Variants in PCMT1 observed in about 807,000 individuals in gnomAD.
PCMT1 encodes the protein protein-L-isoaspartate(D-aspartate) O-methyltransferase.
PCMT1 carries 9 observed loss-of-function variants against 29.2 expected under a neutral mutation model. That is an observed-to-expected ratio of 0.31 (90% CI 0.19 to 0.54). The LOEUF (loss-of-function observed/expected upper bound fraction) is 0.54. PCMT1 is among the 20% of genes least tolerant of loss of function. PCMT1 has a pLI of 0.95. For missense variants in PCMT1, 184 were observed against 282.2 expected (o/e 0.65, Z 2.49); for synonymous variants, 98 against 97.5 (o/e 1.00, Z -0.03).
chr6:149,786,295 G>A (rs1343154726), intron 3 of PCMT1, among the ~76,000 whole-genome samples: 2 of 31,004 alleles, frequency 6.5e-5, no homozygotes, highest in Admixed American at 2.7e-4. Flanking sequence ...CCTCCAGGAC[G>A]GGGCGGCTGG....
intron 1 of PCMT1, among the ~76,000 whole-genome samples, chr6:149,753,167 A>G (rs1786390398): frequency 6.6e-6 from 1 of 152,206 alleles, no homozygotes; most frequent in African/African-American, 2.4e-5. Context: ...TGTAATTGAC[A>G]TAAAATTTGA....
rs60539437 is a variant in PCMT1 at position 149,808,436 on chromosome 6, C to T, written c.*38-2180C>T. On this transcript the variant is annotated intron_variant, in intron 7 of 7. Transcript: ENST00000464889. ...TTAGGCTTTTAAAAAATTGTGCACG[C>T]GCTGGCAGCAAGTTTTTGTTTTTCC... 5.5e-3 allele frequency among the ~76,000 whole-genome samples: 832 copies of T among 152,088 alleles called. 4 individuals carry two copies. Among genetic ancestry groups the T allele is most frequent in the African/African-American group, 0.013 (538 of 41,520 alleles).
At chr6:149,776,859 G>C (rs1787591866) in intron 3 of PCMT1, among the ~76,000 whole-genome samples, 1 of 152,124 alleles carries the variant, frequency 6.6e-6, no homozygotes, top group South Asian at 2.1e-4. Flanking sequence ...GTGTGGGAGA[G>C]TACATTGAAT....
At chr6:149,795,658 TTACC>T in intron 5 of PCMT1, 1 of 426,328 alleles carries the variant, frequency 2.3e-6, no homozygotes, top group Non-Finnish European at 4.5e-6. Flanking sequence ...AAAATAGGAA[TTACC>T]TGTTGTCCTG....
chr6:149,803,861 A>G (rs1775928417), intron 7 of PCMT1, among the ~76,000 whole-genome samples: 1 of 150,764 alleles, frequency 6.6e-6, no homozygotes, highest in African/African-American at 2.4e-5. Context: ...TGAGCCAATC[A>G]TCTTAAGTCA....
chr6:149,787,072 T>A (rs1211637343), intron 3 of PCMT1, among the ~76,000 whole-genome samples: 3 of 137,444 alleles, frequency 2.2e-5, no homozygotes, highest in Non-Finnish European at 4.5e-5. Flanking sequence ...GGTTAGGAGC[T>A]GGAGACCAGC....
At chr6:149,790,773 C>G (rs1416612247) in intron 4 of PCMT1, among the ~76,000 whole-genome samples, 1 of 152,056 alleles carries the variant, frequency 6.6e-6, no homozygotes, top group Admixed American at 6.6e-5. Context: ...CTTTGGGAGG[C>G]TTAGGCAGGC....
chr6:149,763,613 A>G (rs1025420750), intron 1 of PCMT1, among the ~76,000 whole-genome samples: 1 of 152,160 alleles, frequency 6.6e-6, no homozygotes, highest in African/African-American at 2.4e-5. Flanking sequence ...ATAGAAGTAT[A>G]TTATCGAGCT....
chr6:149,806,249 T>C (rs937245610), intron 7 of PCMT1, among the ~76,000 whole-genome samples: 5 of 152,096 alleles, frequency 3.3e-5, no homozygotes, highest in Non-Finnish European at 7.4e-5. Flanking sequence ...CCAAGATGAA[T>C]AGGCAGTTAT....
chr6:149,773,418 GC>G (rs1434363677), intron 3 of PCMT1, among the ~76,000 whole-genome samples: 1 of 151,950 alleles, frequency 6.6e-6, no homozygotes, highest in African/African-American at 2.4e-5. Context: ...TCGCTCTGTC[GC>G]CCAGGCTAGA....
chr6:149,796,382 C>T (rs547515132), intron 5 of PCMT1, 33 bp from the exon 6 acceptor site: 4 of 1,475,716 alleles, frequency 2.7e-6, no homozygotes, highest in Admixed American at 3.5e-5. Flanking sequence ...TTGATCTAAA[C>T]AGGTTTTTAA....
intron 3 of PCMT1, among the ~76,000 whole-genome samples, chr6:149,781,937 T>C (rs1486153083): frequency 6.6e-6 from 1 of 152,200 alleles, no homozygotes; most frequent in Non-Finnish European, 1.5e-5. Context: ...GCAACCACCA[T>C]TCTATTTTCT....
At chr6:149,772,788 T>C (rs1376880819) in intron 2 of PCMT1, 4 of 336,454 alleles carry the variant, frequency 1.2e-5, no homozygotes, top group Non-Finnish European at 2.3e-5. Context: ...GAGGCCGAGG[T>C]GGGTGGATCA....
At chr6:149,808,797 C>T (rs1267837962) in intron 7 of PCMT1, among the ~76,000 whole-genome samples, 1 of 151,762 alleles carries the variant, frequency 6.6e-6, no homozygotes, top group Non-Finnish European at 1.5e-5. Flanking sequence ...CCACCACACC[C>T]GGCTAATTAT....
At chr6:149,752,855 C>T (rs772166475) in intron 1 of PCMT1, among the ~76,000 whole-genome samples, 2 of 152,100 alleles carry the variant, frequency 1.3e-5, no homozygotes, top group Non-Finnish European at 2.9e-5. Flanking sequence ...CTAGATAGAT[C>T]TTTTCCCGGT....
chr6:149,805,283 G>A (rs1562427140), intron 7 of PCMT1, among the ~76,000 whole-genome samples: 1 of 152,152 alleles, frequency 6.6e-6, no homozygotes, highest in Non-Finnish European at 1.5e-5. Context: ...TTAGTCATCT[G>A]CTAAACATTA....
At chr6:149,786,715 C>CG (rs1273496276) in intron 3 of PCMT1, among the ~76,000 whole-genome samples, 1 of 131,940 alleles carries the variant, frequency 7.6e-6, no homozygotes. Context: ...ACATCCCAGA[C>CG]GGGGCGGCGG....
intron 4 of PCMT1, 110 bp from the exon 5 acceptor site, chr6:149,793,438 AT>A: frequency 1.1e-6 from 1 of 900,568 alleles, no homozygotes; most frequent in South Asian, 4.1e-5. Flanking sequence ...GCCTTAAGCT[AT>A]TTTTGTTTTC....
intron 3 of PCMT1, among the ~76,000 whole-genome samples, chr6:149,780,812 A>G (rs1787784245): frequency 6.6e-6 from 1 of 152,192 alleles, no homozygotes; most frequent in East Asian, 1.9e-4. Context: ...GCTGCAGTGA[A>G]CATTTGTGTA....
Sources: gnomAD v4.1 joint callset for allele counts (sites outside exome capture counted in the v4.1 genomes callset) on GRCh38, gnomAD v4.1.1 for gene constraint, MANE v1.5 for transcripts, NCBI Gene and HGNC (gene_info 2026-07-23, HGNC 2026-07-21) for gene names.